NIFK: variants seen among roughly 807,000 people sequenced by gnomAD.
NIFK encodes nucleolar protein interacting with the FHA domain of MKI67.
In NIFK, 16 loss-of-function variants were observed where a neutral mutation model predicts 31.7. The observed-to-expected ratio is 0.50, with a 90% CI of 0.34 to 0.77. The LOEUF (loss-of-function observed/expected upper bound fraction) is 0.77. Among genes scored for constraint, NIFK ranks in the 30% least tolerant of loss-of-function variants. NIFK has a pLI of 0.01. For missense variants in NIFK, 341 were observed against 350.4 expected, an observed-to-expected ratio of 0.97 and a Z score of 0.21; for synonymous variants, 126 against 123.0, an observed-to-expected ratio of 1.02 and a Z score of -0.16.
intron 2 of NIFK, 113 bp from the exon 3 acceptor site, chr2:121,732,317 C>T (rs2074547210): frequency 6.2e-6 from 4 of 642,588 alleles, no homozygotes; most frequent in Non-Finnish European, 1.1e-5. Flanking sequence ...TCAAATATTA[C>T]GTACGACACG....
At chr2:121,731,145 TAAC>T in intron 3 of NIFK, 41 bp from the exon 4 acceptor site, 1 of 1,212,922 alleles carries the variant, frequency 8.2e-7, no homozygotes, top group Non-Finnish European at 1.2e-6. Flanking sequence ...ATTTTAATGT[TAAC>T]TTTAGAATCT....
chr2:121,732,190 T>C lies in NIFK; in HGVS notation c.258A>G (p.Lys86=), dbSNP rs1243866686. 1.2e-6 allele frequency: 2 copies of C among 1,610,240 alleles called. No individual in the cohort carries two copies. Among genetic ancestry groups the C allele is most frequent in the Non-Finnish European group, 1.7e-6 (2 of 1,176,744 alleles). ...ACTCAAACTCCACAAATGCATAGCC[T>C]TTGCTATTTCCAGTCTGCAACAGAG... ...LSRSKRTGNS[K]GYAFVEFESE... Residue 86 remains lysine (K), a synonymous_variant, in exon 3 of 7, where the codon AAA becomes AAG. Coordinates refer to ENST00000285814, the MANE Select transcript of NIFK (RefSeq NM_032390.5).
chr2:121,731,103 A>G lies in NIFK; in HGVS notation c.354T>C (p.Cys118=). 1 of 1,540,604 alleles carries G rather than the reference A, an allele frequency of 6.5e-7. No homozygotes were observed. Among genetic ancestry groups the G allele is most frequent in the Non-Finnish European group, 8.8e-7 (1 of 1,135,736 alleles). ...GTACTTTTTCAGGTGGCATAAAATG[A>G]CCTATTTTCAAAAAGAAAAAAACAT... The part of the protein sequence containing the change: ...NYLFGERLLE[C]HFMPPEKVHK... The change falls in exon 4 of 7, where the codon TGT becomes TGC. Residue 118 remains cysteine, a splice_region_variant and synonymous_variant. Coordinates refer to ENST00000285814, the MANE Select transcript of NIFK (RefSeq NM_032390.5).
At chr2:121,732,767 G>A (rs1169040314) in intron 2 of NIFK, among the ~76,000 whole-genome samples, 1 of 151,904 alleles carries the variant, frequency 6.6e-6, no homozygotes, top group Non-Finnish European at 1.5e-5. Flanking sequence ...GATCATCTGA[G>A]GTGAGGAGTT....
At position 121,732,189 on chromosome 2, in the gene NIFK, C is replaced by A. The variant is rs144082324; in HGVS notation, c.259G>T (p.Gly87Cys). The part of the protein sequence containing the change: ...SRSKRTGNSK[G>C]YAFVEFESED... ...GACTCAAACTCCACAAATGCATAGC[C>A]TTTGCTATTTCCAGTCTGCAACAGA... The change falls in exon 3 of 7, where the codon GGC becomes TGC. Residue 87 changes from glycine to cysteine, a missense_variant. Physicochemically the swap from Gly to Cys is radical, Grantham distance 159 (BLOSUM62 -3). Transcript: ENST00000285814. 62 of 1,608,890 alleles carry A rather than the reference C, an allele frequency of 3.9e-5. No homozygotes were observed. The East Asian group carries it at 1.3e-3, about 35-fold the overall frequency.
chr2:121,736,852 C>T lies in NIFK; in HGVS notation c.-2G>A. Reference sequence around the variant, plus strand: ...AGCCGGGCCAGAAAAAGTCGCCATGCCAAAAGCCGCCGACGCTAACCACGC... The same window carrying T: ...AGCCGGGCCAGAAAAAGTCGCCATGTCAAAAGCCGCCGACGCTAACCACGC... On this transcript the variant is annotated 5_prime_UTR_variant, in exon 1 of 7. Coordinates refer to ENST00000285814, the MANE Select transcript of NIFK (RefSeq NM_032390.5). 2 of 1,613,112 alleles carry T rather than the reference C, an allele frequency of 1.2e-6. No individual in the cohort carries two copies. Among genetic ancestry groups the T allele is most frequent in the Non-Finnish European group, 8.5e-7 (1 of 1,179,220 alleles).
chr2:121,729,648 T>C (rs1374428955), intron 4 of NIFK, among the ~76,000 whole-genome samples: 1 of 152,134 alleles, frequency 6.6e-6, no homozygotes, highest in South Asian at 2.1e-4. Flanking sequence ...CACTGCAAAC[T>C]TGAAATCCTA....
chr2:121,736,174 A>AGCCTT (rs1235041870), intron 1 of NIFK, among the ~76,000 whole-genome samples: 1 of 152,250 alleles, frequency 6.6e-6, no homozygotes, highest in Non-Finnish European at 1.5e-5. Flanking sequence ...CAGTCATCAT[A>AGCCTT]GCCTTACCTC....
intron 4 of NIFK, among the ~76,000 whole-genome samples, chr2:121,729,367 C>CAA (rs966976474): frequency 0.036 from 2,258 of 62,016 alleles, 46 homozygotes; most frequent in East Asian, 0.085. Flanking sequence ...GACTCCATCT[C>CAA]AAAAAAAAAA....
In NIFK at chr2:121,727,416, T is replaced by G. The variant is rs1055528353; in HGVS notation, c.*308A>C. 1.9e-6 allele frequency: 1 copy of G among 536,578 alleles called. No homozygotes were observed. Among genetic ancestry groups the G allele is most frequent in the Non-Finnish European group, 3.7e-6 (1 of 271,138 alleles). 33.2% of individuals were successfully genotyped at this position (536,578 alleles called of 1,614,324 possible). A position where few individuals can be genotyped will look rare whatever the true frequency, so the allele number is the denominator to read the frequency against. ...AAGGCTGCAGTTTAGTACTTAAACC[T>G]GCAGTTAGTGGTCAACTTTCTATCC... On this transcript the variant is annotated 3_prime_UTR_variant, in exon 7 of 7. Transcript: ENST00000285814.
Position 121,728,488 on chromosome 2 carries a change from T to C in NIFK, c.613A>G (p.Thr205Ala), listed in dbSNP as rs989799905. Residue 205 changes from threonine to alanine, a missense_variant, in exon 5 of 7, where the codon ACA becomes GCA. Coordinates refer to ENST00000285814, the MANE Select transcript of NIFK (RefSeq NM_032390.5). ...SISKTNRQTS[T>A]KGQVLRKKKK... is the part of the protein sequence containing the mutation. ...AAAAAAAATTTTACCTGGCCTTTTG[T>C]AGACGTCTGACGATTAGTTTTTGAA... 6.3e-7 allele frequency: 1 copy of C among 1,586,852 alleles called. No individual in the cohort carries two copies. The highest frequency in any genetic ancestry group is 8.5e-7 in the Non-Finnish European group (1 of 1,169,656).
In NIFK at chr2:121,727,228, T is replaced by G; in HGVS notation, c.*496A>C. 9.6e-6 allele frequency: 3 copies of G among 311,534 alleles called. No homozygotes were observed. In the East Asian group the frequency reaches 2.4e-4, roughly 25 times the overall value. The allele number at this position is 311,534 out of a possible 1,614,324, so 19.3% of individuals were successfully genotyped here. A position where few individuals can be genotyped will look rare whatever the true frequency, so the allele number is the denominator to read the frequency against. On this transcript the variant is annotated 3_prime_UTR_variant, in exon 7 of 7. Coordinates refer to ENST00000285814, the MANE Select transcript of NIFK (RefSeq NM_032390.5). ...ATTAAAATCTGAACACATAAACAAA[T>G]CTGTGCTAAAACTGGAACTGCCTTC...
intron 4 of NIFK, chr2:121,730,669 C>T: frequency 2.0e-6 from 1 of 501,584 alleles, no homozygotes; most frequent in Non-Finnish European, 3.6e-6. Flanking sequence ...CGTGGAGAAA[C>T]CCCGTCTCTA....
chr2:121,734,939 A>C (rs2074568630), intron 2 of NIFK, among the ~76,000 whole-genome samples: 1 of 152,238 alleles, frequency 6.6e-6, no homozygotes, highest in Admixed American at 6.5e-5. Flanking sequence ...CCTATCCCCC[A>C]CATGCTAAAT....
chr2:121,730,681 T>A, intron 4 of NIFK: 1 of 538,154 alleles, frequency 1.9e-6, no homozygotes, highest in Non-Finnish European at 3.3e-6. Context: ...CCGTCTCTAC[T>A]AAAAATACAA....
chr2:121,730,629 A>T (rs987815472), intron 4 of NIFK: 1 of 399,042 alleles, frequency 2.5e-6, no homozygotes, highest in Non-Finnish European at 4.6e-6. Context: ...GAATCACCTG[A>T]GGTCAGGAGT....
At chr2:121,731,859 T>G (rs545994192) in intron 3 of NIFK, among the ~76,000 whole-genome samples, 6 of 152,326 alleles carry the variant, frequency 3.9e-5, no homozygotes, top group South Asian at 4.1e-4. Flanking sequence ...TCCTCCCATG[T>G]GTCCCCAAGG....
At chr2:121,731,237 A>T (rs572348364) in intron 3 of NIFK, 133 bp from the exon 4 acceptor site, 10 of 605,132 alleles carry the variant, frequency 1.7e-5, no homozygotes, top group Non-Finnish European at 2.0e-5. Context: ...CTTCTCTCAC[A>T]GCAATGCGAA....
chr2:121,732,508 T>G (rs1315369105), intron 2 of NIFK, among the ~76,000 whole-genome samples: 3 of 152,164 alleles, frequency 2.0e-5, no homozygotes, highest in Admixed American at 2.0e-4. Context: ...TAAAAAAGTC[T>G]TCAACTTAAA....
Sources: gnomAD v4.1 joint callset for allele counts (sites outside exome capture counted in the v4.1 genomes callset) on GRCh38, gnomAD v4.1.1 for gene constraint, MANE v1.5 for transcripts, NCBI Gene and HGNC (gene_info 2026-07-23, HGNC 2026-07-21) for gene names.